CELSR1: variants seen among roughly 807,000 people sequenced by gnomAD.
CELSR1 encodes cadherin EGF LAG seven-pass G-type receptor 1.
A neutral mutation model predicts 249.1 loss-of-function variants in CELSR1; 110 were observed. The observed-to-expected ratio is 0.44, with a 90% CI of 0.38 to 0.52. The LOEUF (loss-of-function observed/expected upper bound fraction) is 0.52, where lower values mean the gene tolerates loss of function less well. CELSR1 is among the 20% of genes least tolerant of loss of function. CELSR1 has a pLI of 0.00. For missense variants in CELSR1, 4,109 were observed against 4,296.4 expected (o/e 0.96, Z 1.22); for synonymous variants, 2,113 against 1,900.0 (o/e 1.11, Z -2.92).
At chr22:46,369,517 G>C (rs561341842) in intron 26 of CELSR1, among the ~76,000 whole-genome samples, 175 bp downstream of exon 26, 1 of 152,244 alleles carries the variant, frequency 6.6e-6, no homozygotes, top group Non-Finnish European at 1.5e-5. Flanking sequence ...CTGAATCCAC[G>C]ATCAGAGGGT....
intron 2 of CELSR1, among the ~76,000 whole-genome samples, chr22:46,460,195 A>C (rs1337346078): frequency 9.3e-6 from 1 of 107,930 alleles, no homozygotes; most frequent in Non-Finnish European, 2.0e-5. Context: ...ACACACACAC[A>C]CACACACACA....
At chr22:46,378,519 T>G (rs1364212331) in intron 23 of CELSR1, 72 bp downstream of exon 23, 33 of 1,433,558 alleles carry the variant, frequency 2.3e-5, no homozygotes, top group African/African-American at 7.5e-5. Context: ...GGCGGGGAGG[T>G]GCAGGTTTGG....
chr22:46,535,708 T>TGGTCCC lies in CELSR1; in HGVS notation c.1457_1462dup (p.Arg486_Asp487dup). The TGGTCCC allele has an allele frequency of 3.7e-6, 6 of 1,612,900 alleles. No homozygotes were observed. Among genetic ancestry groups the TGGTCCC allele is most frequent in the Non-Finnish European group, 5.1e-6 (6 of 1,180,022 alleles). ...GTAGTGAATGGCCGCGTTCTGGCCC[T>TGGTCCC]GGTCCCGGTCCGTGGCCTGCACTCG... is the stretch of plus-strand genomic sequence containing the variant. On this transcript the variant is annotated inframe_insertion, in exon 1 of 35. Coordinates refer to ENST00000674500, the MANE Select transcript of CELSR1 (RefSeq NM_001378328.1).
intron 20 of CELSR1, among the ~76,000 whole-genome samples, chr22:46,384,155 C>G (rs1487689574): frequency 6.6e-6 from 1 of 151,836 alleles, no homozygotes; most frequent in South Asian, 2.1e-4. Flanking sequence ...AGGCTGGTCT[C>G]GAACTCCTGA....
rs1201400548 is a variant in CELSR1, at chr22:46,490,852, A to G, written c.3545-26507T>C. On this transcript the variant is annotated intron_variant, in intron 1 of 34. Transcript: ENST00000674500. The surrounding 1 kb of genome is among the most constrained non-coding windows in gnomAD (Gnocchi z 5.2). ...TGCACGTGCCGCACCCTGATCCTCC[A>G]GGCAGTCCAAATGGCCAGGTGTCAT... Among the ~76,000 whole-genome samples, 1 of 152,160 alleles carries G rather than the reference A, an allele frequency of 6.6e-6. No individual in the cohort carries two copies. Among genetic ancestry groups the G allele is most frequent in the East Asian group, 1.9e-4 (1 of 5,188 alleles).
At chr22:46,438,381 C>T (rs868536145) in intron 3 of CELSR1, among the ~76,000 whole-genome samples, 28 of 152,280 alleles carry the variant, frequency 1.8e-4, no homozygotes, top group Middle Eastern at 3.4e-3. Flanking sequence ...CCCCTCACAG[C>T]GGCTCTCAGA....
chr22:46,416,950 G>A (rs996676342), intron 5 of CELSR1, among the ~76,000 whole-genome samples: 1 of 144,642 alleles, frequency 6.9e-6, no homozygotes, highest in Non-Finnish European at 1.5e-5. Context: ...TTCAATGCTG[G>A]GGAAGGTAGC....
chr22:46,412,554 T>C lies in CELSR1; in HGVS notation c.4612-795A>G, dbSNP rs148713945. Among the ~76,000 whole-genome samples, 1 of 152,172 alleles carries C rather than the reference T, an allele frequency of 6.6e-6. No individual in the cohort carries two copies. Among genetic ancestry groups the C allele is most frequent in the Admixed American group, 6.5e-5 (1 of 15,286 alleles). ...ATTGGGTACAAGAGTTCTTCTGGAATCAGTGACCTTGGGTGAAACCTTTCC... is the reference window on the plus strand; with the variant it reads ...ATTGGGTACAAGAGTTCTTCTGGAACCAGTGACCTTGGGTGAAACCTTTCC... On this transcript the variant is annotated intron_variant, in intron 5 of 34. Transcript: ENST00000674500. The surrounding 1 kb of genome is among the most constrained non-coding windows in gnomAD (Gnocchi z 4.5).
In CELSR1 at chr22:46,533,759, G is replaced by A; in HGVS notation, c.3412C>T (p.Leu1138Phe). ...TTGCCCTGCACGAAGGTGTAGTTGA[G>A]GCTGTCTGACACGTCGGGGTCATGG... ...PAHDPDVSDS[L>F]NYTFVQGNEL... The change falls in exon 1 of 35, where the codon CTC (leucine) becomes TTC (phenylalanine). Residue 1138 changes from leucine (L) to phenylalanine (F), a missense_variant. By Grantham distance (22) the Leu-to-Phe change is conservative (BLOSUM62 0). Transcript: ENST00000674500. 1 of 1,613,522 alleles carries A rather than the reference G, an allele frequency of 6.2e-7. No homozygotes were observed. The highest frequency in any genetic ancestry group is 8.5e-7 in the Non-Finnish European group (1 of 1,180,034).
intron 2 of CELSR1, among the ~76,000 whole-genome samples, chr22:46,455,840 C>T (rs2147540547): frequency 6.6e-6 from 1 of 152,356 alleles, no homozygotes; most frequent in East Asian, 1.9e-4. Flanking sequence ...CATTGACCCA[C>T]ACCCTGATCC....
chr22:46,439,970 C>A (rs978878114), intron 2 of CELSR1, among the ~76,000 whole-genome samples: 1 of 152,128 alleles, frequency 6.6e-6, no homozygotes, highest in African/African-American at 2.4e-5. Context: ...TCTGGCCACC[C>A]CTGGATTCCA....
At chr22:46,514,666 A>G (rs1461848480) in intron 1 of CELSR1, among the ~76,000 whole-genome samples, 1 of 152,116 alleles carries the variant, frequency 6.6e-6, no homozygotes, top group African/African-American at 2.4e-5. Context: ...CCCAGCATCA[A>G]AGAGAAGAGT....
intron 33 of CELSR1, 60 bp from the exon 34 acceptor site, chr22:46,364,311 G>T: frequency 6.3e-7 from 1 of 1,581,726 alleles, no homozygotes. Context: ...GCAGCTGCTG[G>T]GCCGTGTGCA....
intron 1 of CELSR1, among the ~76,000 whole-genome samples, chr22:46,494,965 A>T (rs1319920706): frequency 1.3e-5 from 2 of 152,270 alleles, no homozygotes; most frequent in Non-Finnish European, 2.9e-5. Context: ...ACAATCGTGC[A>T]TCACTTAAAG....
chr22:46,507,494 G>T (rs1215030872), intron 1 of CELSR1, among the ~76,000 whole-genome samples: 1 of 152,050 alleles, frequency 6.6e-6, no homozygotes, highest in Non-Finnish European at 1.5e-5. Flanking sequence ...GCCTCTGTGT[G>T]GCCCTGGCTC....
chr22:46,386,466 G>A lies in CELSR1; in HGVS notation c.6675C>T (p.Ser2225=). The part of the protein sequence containing the change: ...QLLRRLEGYF[S]NVARNVRRTY... ...TCCGCCGCACGTTGCGTGCCACGTT[G>A]CTGAAGTAGCCCTCGAGGCGCCGGA... The change falls in exon 19 of 35, where the codon AGC becomes AGT. Residue 2225 remains serine (S), a synonymous_variant. Coordinates refer to ENST00000674500, the MANE Select transcript of CELSR1 (RefSeq NM_001378328.1). 1 of 1,604,188 alleles carries A rather than the reference G, an allele frequency of 6.2e-7. No individual in the cohort carries two copies. Among genetic ancestry groups the A allele is most frequent in the South Asian group, 1.1e-5 (1 of 89,658 alleles).
In CELSR1 at chr22:46,433,526, G is replaced by T; in HGVS notation, c.4523-45C>A. 1 of 1,482,772 alleles carries T rather than the reference G, an allele frequency of 6.7e-7. No individual in the cohort carries two copies. Among genetic ancestry groups the T allele is most frequent in the South Asian group, 1.2e-5 (1 of 86,344 alleles). The allele number at this position is 1,482,772 out of a possible 1,614,324, so 91.9% of individuals were successfully genotyped here. Reference sequence around the variant, plus strand: ...CCCAGAGAGAAAACAGGGGTTGGCGGGGCCTACTGGGGACCGAGGATTGCG... The same window carrying T: ...CCCAGAGAGAAAACAGGGGTTGGCGTGGCCTACTGGGGACCGAGGATTGCG... On this transcript the variant is annotated intron_variant, in intron 4 of 34. Transcript: ENST00000674500. The surrounding 1 kb of genome is among the most constrained non-coding windows in gnomAD (Gnocchi z 5.7).
At chr22:46,457,249 G>A (rs1471796466) in intron 2 of CELSR1, among the ~76,000 whole-genome samples, 1 of 152,118 alleles carries the variant, frequency 6.6e-6, no homozygotes, top group African/African-American at 2.4e-5. Flanking sequence ...GGAGGCTGAG[G>A]CCGGAGAATT....
intron 29 of CELSR1, among the ~76,000 whole-genome samples, chr22:46,366,761 C>T (rs950142105): frequency 1.3e-5 from 2 of 152,144 alleles, no homozygotes; most frequent in African/African-American, 4.8e-5. Flanking sequence ...CTGACCCTCT[C>T]TTTCTAAGGC....
Sources: gnomAD v4.1 joint callset for allele counts (sites outside exome capture counted in the v4.1 genomes callset) on GRCh38, gnomAD v4.1.1 for gene constraint, Gnocchi (gnomAD v3.1) non-coding constraint, MANE v1.5 for transcripts, NCBI Gene and HGNC (gene_info 2026-07-23, HGNC 2026-07-21) for gene names.